PARD3: variants seen among roughly 807,000 people sequenced by gnomAD.
The protein encoded by PARD3 is partitioning defective 3 homolog.
PARD3 carries 75 observed loss-of-function variants against 155.4 expected under a neutral mutation model. That is an observed-to-expected ratio of 0.48 (90% confidence interval 0.40 to 0.58). The LOEUF is 0.58. Ranked by LOEUF, PARD3 falls within the 20% of genes least tolerant of loss-of-function variation. PARD3 has a pLI of 0.00. For missense variants in PARD3, 1,642 were observed against 1,721.7 expected (o/e 0.95, Z 0.82); for synonymous variants, 576 against 610.5 (o/e 0.94, Z 0.83).
At chr10:34,745,927 C>T (rs1055054843) in intron 1 of PARD3, among the ~76,000 whole-genome samples, 6 of 151,998 alleles carry the variant, frequency 3.9e-5, no homozygotes, top group African/African-American at 1.2e-4. Flanking sequence ...GGTGAAACCC[C>T]GCCTCTACTA....
intron 5 of PARD3, among the ~76,000 whole-genome samples, chr10:34,446,788 T>A (rs953232964): frequency 6.6e-6 from 1 of 152,204 alleles, no homozygotes; most frequent in Non-Finnish European, 1.5e-5. Flanking sequence ...CAAGGCAAGC[T>A]GTCCCTTTTT....
At chr10:34,424,390 C>T (rs985339548) in intron 5 of PARD3, among the ~76,000 whole-genome samples, 2 of 152,032 alleles carry the variant, frequency 1.3e-5, no homozygotes, top group Non-Finnish European at 2.9e-5. Flanking sequence ...AACAGAAAAC[C>T]GTTTAGGTAA....
At position 34,567,656 on chromosome 10, in the gene PARD3, T is replaced by C. The variant is rs79999908; in HGVS notation, c.223-50497A>G. Among the ~76,000 whole-genome samples, 1,162 of 152,350 alleles carry C rather than the reference T, an allele frequency of 7.6e-3. 9 individuals are homozygous for C. Among genetic ancestry groups the C allele is most frequent in the Non-Finnish European group, 0.012 (819 of 68,030 alleles). ...GACAGAGAGATACAAACATCAGTTATGCACTTTGACAATTTAATCTAATTT... is the reference window on the plus strand; with the variant it reads ...GACAGAGAGATACAAACATCAGTTACGCACTTTGACAATTTAATCTAATTT... On this transcript the variant is annotated intron_variant, in intron 2 of 24. Coordinates refer to ENST00000374788, the MANE Select transcript of PARD3 (RefSeq NM_001184785.2).
At chr10:34,174,345 T>TA (rs1195528605) in intron 22 of PARD3, among the ~76,000 whole-genome samples, 2 of 152,198 alleles carry the variant, frequency 1.3e-5, no homozygotes, top group Non-Finnish European at 2.9e-5. Context: ...ACTTGCAATC[T>TA]AGATGGGAAG....
At chr10:34,225,641 C>T (rs1056701599) in intron 22 of PARD3, among the ~76,000 whole-genome samples, 7 of 152,174 alleles carry the variant, frequency 4.6e-5, no homozygotes, top group African/African-American at 1.2e-4. Context: ...TCACCATGCC[C>T]GGCCAGACTG....
intron 22 of PARD3, among the ~76,000 whole-genome samples, chr10:34,202,712 AC>A (rs2133348238): frequency 6.6e-6 from 1 of 152,334 alleles, no homozygotes; most frequent in African/African-American, 2.4e-5. Context: ...TAGCCAAATT[AC>A]ATTCTAGAAT....
chr10:34,544,282 T>A (rs2083871445), intron 2 of PARD3, among the ~76,000 whole-genome samples: 1 of 152,182 alleles, frequency 6.6e-6, no homozygotes, highest in Non-Finnish European at 1.5e-5. Context: ...ATTAAGCCAA[T>A]ATTATAGGTA....
intron 9 of PARD3, among the ~76,000 whole-genome samples, chr10:34,381,017 T>C (rs1841767653): frequency 6.6e-6 from 1 of 152,198 alleles, no homozygotes. Context: ...GATATGACTC[T>C]GTGTTTGCAA....
chr10:34,413,987 C>T (rs1845394249), intron 5 of PARD3, among the ~76,000 whole-genome samples: 1 of 152,036 alleles, frequency 6.6e-6, no homozygotes, highest in Non-Finnish European at 1.5e-5. Flanking sequence ...AAAGAAATCC[C>T]ATCTAGCCCG....
At chr10:34,564,115 C>A (rs1431185099) in intron 2 of PARD3, among the ~76,000 whole-genome samples, 2 of 152,138 alleles carry the variant, frequency 1.3e-5, no homozygotes, top group Non-Finnish European at 2.9e-5. Flanking sequence ...GAATACTGAC[C>A]TTCTCTATGC....
At chr10:34,810,911 A>G (rs1844067708) in intron 1 of PARD3, among the ~76,000 whole-genome samples, 1 of 152,110 alleles carries the variant, frequency 6.6e-6, no homozygotes, top group East Asian at 1.9e-4. Context: ...CTGTAAACCT[A>G]AGTCACCAAA....
chr10:34,286,678 G>T (rs185228823), intron 20 of PARD3, among the ~76,000 whole-genome samples: 24 of 152,290 alleles, frequency 1.6e-4, no homozygotes, highest in Non-Finnish European at 3.2e-4. Flanking sequence ...CAGCATCAGG[G>T]GGCAGACCAC....
At chr10:34,327,968 A>G (rs1835212069) in intron 19 of PARD3, among the ~76,000 whole-genome samples, 1 of 152,206 alleles carries the variant, frequency 6.6e-6, no homozygotes, top group Admixed American at 6.5e-5. Context: ...CCACAGAGAC[A>G]GCAAGTCCAG....
chr10:34,320,480 A>G (rs1958305100), intron 19 of PARD3, among the ~76,000 whole-genome samples: 1 of 152,202 alleles, frequency 6.6e-6, no homozygotes, highest in Admixed American at 6.5e-5. Context: ...TCATGAATGG[A>G]ACTATCAGTA....
At chr10:34,750,806 G>A (rs964777214) in intron 1 of PARD3, among the ~76,000 whole-genome samples, 10 of 150,656 alleles carry the variant, frequency 6.6e-5, no homozygotes, top group African/African-American at 2.0e-4. Context: ...CTCCTGCCTC[G>A]GCCTCCTGAG....
At chr10:34,701,333 ATGTTGTTGTTGT>A (rs34806804) in intron 1 of PARD3, among the ~76,000 whole-genome samples, 49 of 149,976 alleles carry the variant, frequency 3.3e-4, no homozygotes, top group African/African-American at 1.0e-3. Context: ...ACACGCGGGG[ATGTTGTTGTTGT>A]TGTTGTTGTT....
At chr10:34,411,516 G>A (rs769097006) in intron 5 of PARD3, among the ~76,000 whole-genome samples, 2 of 152,100 alleles carry the variant, frequency 1.3e-5, no homozygotes, top group Non-Finnish European at 2.9e-5. Context: ...TGACTGCTGA[G>A]CTGAGATACT....
rs953875342 is a variant in PARD3 at position 34,280,940 on chromosome 10, A to G, written c.3176+3195T>C. ...TACTGGTTTAAACAAGTGTTTCTCA[A>G]ACATACTTGTAAACAGAACACATTC... On this transcript the variant is annotated intron_variant, in intron 21 of 24. Coordinates refer to ENST00000374788, the MANE Select transcript of PARD3 (RefSeq NM_001184785.2). Among the ~76,000 whole-genome samples, 30 of 152,330 alleles carry G rather than the reference A, an allele frequency of 2.0e-4. 1 individual carries two copies. The highest frequency in any genetic ancestry group is 1.0e-4 in the Non-Finnish European group (7 of 68,030).
At chr10:34,459,707 T>C (rs59208240) in intron 4 of PARD3, among the ~76,000 whole-genome samples, 8,419 of 152,140 alleles carry the variant, frequency 0.055, 781 homozygotes, top group African/African-American at 0.19. Context: ...TATCTAAATA[T>C]TTTTCGTCTG....
Sources: gnomAD v4.1 joint callset for allele counts (sites outside exome capture counted in the v4.1 genomes callset) on GRCh38, gnomAD v4.1.1 for gene constraint, MANE v1.5 for transcripts, NCBI Gene and HGNC (gene_info 2026-07-23, HGNC 2026-07-21) for gene names.